PAQR5: variants seen among roughly 807,000 people sequenced by gnomAD.
PAQR5 encodes membrane progestin receptor gamma.
In PAQR5, 20 loss-of-function variants were observed where a neutral mutation model predicts 34.5. That is an observed-to-expected ratio of 0.58 (90% CI 0.41 to 0.84). The LOEUF (loss-of-function observed/expected upper bound fraction) is 0.84. PAQR5 is among the 40% of genes least tolerant of loss of function. PAQR5 has a pLI of 0.00. For synonymous variants in PAQR5, 131 were observed against 155.6 expected (o/e 0.84, Z 1.18); for missense variants, 378 against 412.7 (o/e 0.92, Z 0.73).
chr15:69,317,836 A>G (rs957391720), intron 1 of PAQR5, among the ~76,000 whole-genome samples: 3 of 151,950 alleles, frequency 2.0e-5, no homozygotes, highest in Non-Finnish European at 4.4e-5. Flanking sequence ...GCTCAGCACC[A>G]GCAGGCCTCC....
Position 69,359,810 on chromosome 15 carries a change from C to G in PAQR5, c.-115-156C>G, listed in dbSNP as rs528401214. 2.4e-5 allele frequency: 10 copies of G among 414,642 alleles called. 1 individual carries two copies. In the South Asian group the frequency reaches 3.5e-4, roughly 15 times the overall value. The allele number at this position is 414,642 out of a possible 1,614,324, so 25.7% of individuals were successfully genotyped here. A position where few individuals can be genotyped will look rare whatever the true frequency, so the allele number is the denominator to read the frequency against. ...CCTCCAGCACTCTTGGAGTGGATGA[C>G]TCAGCAGTCTGATCATTTTGCTGTT... On this transcript the variant is annotated intron_variant, in intron 2 of 8. Coordinates refer to ENST00000395407, the MANE Select transcript of PAQR5 (RefSeq NM_017705.4).
At chr15:69,329,003 C>A (rs1204877727) in intron 1 of PAQR5, among the ~76,000 whole-genome samples, 1 of 152,232 alleles carries the variant, frequency 6.6e-6, no homozygotes, top group Non-Finnish European at 1.5e-5. Context: ...TAGCATGACT[C>A]TGTCCCACCA....
intron 3 of PAQR5, among the ~76,000 whole-genome samples, chr15:69,362,811 T>C (rs561890256): frequency 6.6e-6 from 1 of 152,154 alleles, no homozygotes; most frequent in Admixed American, 6.5e-5. Context: ...GCCCTGTCCA[T>C]AGACTCGAAC....
At chr15:69,389,604 T>C (rs367579925) in intron 5 of PAQR5, 50 bp from the exon 6 acceptor site, 1 of 1,611,462 alleles carries the variant, frequency 6.2e-7, no homozygotes, top group African/African-American at 1.3e-5. Flanking sequence ...AAGGGGCCCA[T>C]GTGGTGCCAA....
At chr15:69,307,630 G>T (rs2053747514) in intron 1 of PAQR5, among the ~76,000 whole-genome samples, 2 of 152,236 alleles carry the variant, frequency 1.3e-5, no homozygotes, top group Non-Finnish European at 1.5e-5. Flanking sequence ...CTTGGGCTCT[G>T]CCCTGTGGAC....
intron 1 of PAQR5, among the ~76,000 whole-genome samples, chr15:69,333,020 A>G (rs911893946): frequency 6.6e-6 from 1 of 152,186 alleles, no homozygotes; most frequent in Non-Finnish European, 1.5e-5. Flanking sequence ...AAAAGTGGAT[A>G]AACAAGCAAT....
chr15:69,301,857 A>T (rs1253761065), intron 1 of PAQR5, among the ~76,000 whole-genome samples: 1 of 87,268 alleles, frequency 1.1e-5, no homozygotes, highest in African/African-American at 4.8e-5. Flanking sequence ...AAATGGGGGG[A>T]GATTTTTTTT....
In PAQR5 at chr15:69,404,809, A is replaced by G. The variant is rs1318477741; in HGVS notation, c.*987A>G. The G allele has an allele frequency of 7.6e-6, 3 of 397,006 alleles. No homozygotes were observed. Among genetic ancestry groups the G allele is most frequent in the Non-Finnish European group, 8.9e-6 (2 of 225,604 alleles). The allele number at this position is 397,006 out of a possible 1,614,324, so 24.6% of individuals were successfully genotyped here. ...GCTTTACTGTGAATCAGAAACATCC[A>G]GTAAGCTTGTGACAAATGCAGACTC... On this transcript the variant is annotated 3_prime_UTR_variant, in exon 9 of 9. Coordinates refer to ENST00000395407, the MANE Select transcript of PAQR5 (RefSeq NM_017705.4).
At chr15:69,366,817 T>G (rs969953217) in intron 3 of PAQR5, among the ~76,000 whole-genome samples, 1 of 152,218 alleles carries the variant, frequency 6.6e-6, no homozygotes, top group Non-Finnish European at 1.5e-5. Flanking sequence ...GTAAATTACT[T>G]CTTGTAAGTT....
intron 5 of PAQR5, among the ~76,000 whole-genome samples, chr15:69,387,361 G>C (rs1595927557): frequency 6.6e-6 from 1 of 152,226 alleles, no homozygotes; most frequent in Admixed American, 6.5e-5. Context: ...CCAGGTGCTG[G>C]CACCTGATTC....
intron 2 of PAQR5, among the ~76,000 whole-genome samples, chr15:69,341,257 A>G (rs12900842): frequency 0.79 from 118,906 of 150,010 alleles, 50,334 homozygotes; most frequent in Non-Finnish European, 0.95. Flanking sequence ...TGTCATCTCA[A>G]TGGAATCATA....
At chr15:69,339,034 A>T (rs55947940) in intron 2 of PAQR5, among the ~76,000 whole-genome samples, 20,865 of 152,072 alleles carry the variant, frequency 0.14, 1,621 homozygotes, top group Middle Eastern at 0.19. Flanking sequence ...ATGGATCAGC[A>T]GGCACCGCTC....
chr15:69,379,473 C>T (rs2140914149), intron 3 of PAQR5: 2 of 985,362 alleles, frequency 2.0e-6, no homozygotes, highest in South Asian at 4.7e-5. Flanking sequence ...TTCCCACCAG[C>T]CCCTGACATG....
chr15:69,360,115 T>A lies in PAQR5; in HGVS notation c.35T>A (p.Ile12Lys). ...CTGAAGCTCCCCAGGCTGTTTAGCA[T>A]AGACCAGATACCCCAGGTATGTGCT... is the stretch of plus-strand genomic sequence containing the variant. ...LSLKLPRLFS[I>K]DQIPQVFHEQ... The change falls in exon 3 of 9, where the codon ATA becomes AAA. Residue 12 changes from isoleucine (I) to lysine (K), a missense_variant. Physicochemically the swap from Ile to Lys is moderately radical, Grantham distance 102. Coordinates refer to ENST00000395407, the MANE Select transcript of PAQR5 (RefSeq NM_017705.4). 1 of 1,613,534 alleles carries A rather than the reference T, an allele frequency of 6.2e-7. No individual in the cohort carries two copies. Among genetic ancestry groups the A allele is most frequent in the South Asian group, 1.1e-5 (1 of 91,062 alleles).
chr15:69,301,210 G>T (rs567541716), intron 1 of PAQR5, among the ~76,000 whole-genome samples: 2 of 152,006 alleles, frequency 1.3e-5, no homozygotes, highest in South Asian at 2.1e-4. Flanking sequence ...CACCATGTTG[G>T]CCAGGTTGGT....
At chr15:69,375,792 C>T (rs2055689910) in intron 3 of PAQR5, among the ~76,000 whole-genome samples, 1 of 152,158 alleles carries the variant, frequency 6.6e-6, no homozygotes, top group African/African-American at 2.4e-5. Context: ...GCAGGAATTG[C>T]AGAATTCATG....
chr15:69,363,913 C>T (rs941895223), intron 3 of PAQR5, among the ~76,000 whole-genome samples: 6 of 152,118 alleles, frequency 3.9e-5, no homozygotes, highest in Non-Finnish European at 8.8e-5. Flanking sequence ...AAACACATCC[C>T]ATAGTCCCAG....
intron 2 of PAQR5, among the ~76,000 whole-genome samples, chr15:69,347,082 A>G (rs1453515770): frequency 6.6e-6 from 1 of 152,138 alleles, no homozygotes; most frequent in Non-Finnish European, 1.5e-5. Context: ...TCGGCCTCCC[A>G]AAGTGCTGAG....
chr15:69,406,466 C>T lies in PAQR5; in HGVS notation c.*2644C>T, dbSNP rs1485122699. On this transcript the variant is annotated 3_prime_UTR_variant, in exon 9 of 9. Coordinates refer to ENST00000395407, the MANE Select transcript of PAQR5 (RefSeq NM_017705.4). The stretch of plus-strand genomic sequence containing the variant: ...GGCTGGTCTGAAGGTAGTGAGTTAG[C>T]TCAATTGATTGTTCGCAGTCAGTTA... 6.6e-6 allele frequency: 1 copy of T among 152,192 alleles called. No homozygotes were observed. The highest frequency in any genetic ancestry group is 2.4e-5 in the African/African-American group (1 of 41,440). The allele number at this position is 152,192 out of a possible 1,614,324, so 9.4% of individuals were successfully genotyped here. A position where few individuals can be genotyped will look rare whatever the true frequency, so the allele number is the denominator to read the frequency against.
Sources: allele counts gnomAD v4.1 joint callset (sites outside exome capture counted in the v4.1 genomes callset), GRCh38; gene constraint gnomAD v4.1.1; transcripts MANE v1.5; gene names NCBI Gene and HGNC (gene_info 2026-07-23, HGNC 2026-07-21).